Variants in LARGE1 observed in about 807,000 individuals in gnomAD.
The protein encoded by LARGE1 is xylosyl- and glucuronyltransferase LARGE1.
Under a neutral mutation model 87.6 loss-of-function variants are expected in LARGE1, and 43 were observed. The ratio of observed to expected loss-of-function variants is 0.49; its 90% CI spans 0.38 to 0.63. The LOEUF (loss-of-function observed/expected upper bound fraction) is 0.63. LARGE1 is among the 30% of genes least tolerant of loss of function. The pLI, the probability that LARGE1 is intolerant of heterozygous loss-of-function variation, is 0.00. For missense variants in LARGE1, 802 were observed against 1,000.2 expected, an observed-to-expected ratio of 0.80 and a Z score of 2.67; for synonymous variants, 434 against 394.6, an observed-to-expected ratio of 1.10 and a Z score of -1.18.
At chr22:33,346,255 TCTTCTC>T (rs1305815568) in intron 9 of LARGE1, among the ~76,000 whole-genome samples, 12 of 148,058 alleles carry the variant, frequency 8.1e-5, no homozygotes, top group Non-Finnish European at 1.5e-4. Context: ...TTCCTTCCTC[TCTTCTC>T]TCTCTCTCTC....
intron 1 of LARGE1, among the ~76,000 whole-genome samples, chr22:33,903,363 T>G (rs2065340683): frequency 1.3e-5 from 2 of 152,176 alleles, no homozygotes; most frequent in African/African-American, 4.8e-5. Context: ...ACATTAATAT[T>G]ATTTAAGCTC....
chr22:33,076,027 A>G, the LARGE1 span, among the ~76,000 whole-genome samples: 2 of 152,204 alleles, frequency 1.3e-5, no homozygotes, highest in South Asian at 4.1e-4. Flanking sequence ...AAGAATTCTA[A>G]TGTATTCAAC....
intron 1 of LARGE1, among the ~76,000 whole-genome samples, chr22:33,765,707 CAAAAA>C (rs33943950): frequency 5.7e-5 from 4 of 69,934 alleles, no homozygotes; most frequent in East Asian, 5.0e-4. Context: ...CTCCATCTCA[CAAAAA>C]AAAAAAAAAA....
intron 5 of LARGE1, among the ~76,000 whole-genome samples, chr22:33,601,951 C>T (rs751424487): frequency 8.5e-5 from 13 of 152,106 alleles, no homozygotes; most frequent in South Asian, 4.2e-4. Flanking sequence ...CCCTTTCATC[C>T]GAGACCTCAT....
intron 6 of LARGE1, among the ~76,000 whole-genome samples, chr22:33,509,219 C>T (rs573600331): frequency 6.6e-6 from 1 of 152,250 alleles, no homozygotes; most frequent in East Asian, 1.9e-4. Flanking sequence ...TGAATACCAG[C>T]AAGTTCCCAA....
chr22:33,578,631 C>A (rs1207132619), intron 5 of LARGE1, among the ~76,000 whole-genome samples: 1 of 152,142 alleles, frequency 6.6e-6, no homozygotes, highest in Non-Finnish European at 1.5e-5. Context: ...ATGTAGACAT[C>A]AAGGAAATCA....
chr22:33,198,455 G>C (rs991840123), intron 11 of LARGE1, among the ~76,000 whole-genome samples: 1 of 151,996 alleles, frequency 6.6e-6, no homozygotes, highest in Non-Finnish European at 1.5e-5. Flanking sequence ...GGGGGCACAA[G>C]TACTGATTTC....
chr22:33,494,913 CCT>C, intron 6 of LARGE1, among the ~76,000 whole-genome samples: 1 of 152,202 alleles, frequency 6.6e-6, no homozygotes, highest in South Asian at 2.1e-4. Flanking sequence ...AAGTCTCTGT[CCT>C]CTCTTGGCGC....
rs539870423 is a variant in LARGE1 at position 33,739,112 on chromosome 22, A to C, written c.106+22259T>G. ...TATTGGAAAAATGGAATAACAGTACATGCCTCGCAAGTTTGTCAAGATTAA... is the reference window on the plus strand; with the variant it reads ...TATTGGAAAAATGGAATAACAGTACCTGCCTCGCAAGTTTGTCAAGATTAA... On this transcript the variant is annotated intron_variant, in intron 2 of 14. Coordinates refer to ENST00000397394, the MANE Select transcript of LARGE1 (RefSeq NM_133642.5). Among the ~76,000 whole-genome samples the C allele has an allele frequency of 7.9e-5, 12 of 152,162 alleles. No homozygotes were observed. The East Asian group carries it at 2.3e-3, about 29-fold the overall frequency.
chr22:33,166,573 A>T, exon 12 of LARGE1: 2 of 360,206 alleles, frequency 5.6e-6, no homozygotes, highest in Non-Finnish European at 1.1e-5. Context: ...TTCACCTGCC[A>T]TGTACTACTT....
chr22:33,170,774 T>G (rs767494077), intron 11 of LARGE1, among the ~76,000 whole-genome samples: 9 of 152,228 alleles, frequency 5.9e-5, no homozygotes, highest in Non-Finnish European at 1.3e-4. Context: ...GAGAATGGAC[T>G]AATACAGAGA....
chr22:33,201,278 A>G (rs145986020), intron 11 of LARGE1, among the ~76,000 whole-genome samples: 3 of 151,948 alleles, frequency 2.0e-5, no homozygotes, highest in Non-Finnish European at 4.4e-5. Context: ...ATTGCACTCC[A>G]GTCTGGGCAA....
intron 6 of LARGE1, among the ~76,000 whole-genome samples, chr22:33,459,202 TA>T (rs960944767): frequency 3.3e-5 from 5 of 152,102 alleles, no homozygotes; most frequent in African/African-American, 1.2e-4. Context: ...TCAAGATAGG[TA>T]TTTTTACCTT....
intron 6 of LARGE1, among the ~76,000 whole-genome samples, chr22:33,446,556 G>T (rs1218790739): frequency 2.6e-5 from 4 of 152,204 alleles, no homozygotes; most frequent in Admixed American, 2.0e-4. Flanking sequence ...TATCTGCACA[G>T]AATCTGATCA....
At chr22:33,813,375 A>G (rs199648790) in intron 1 of LARGE1, among the ~76,000 whole-genome samples, 1 of 152,128 alleles carries the variant, frequency 6.6e-6, no homozygotes, top group East Asian at 1.9e-4. Flanking sequence ...TCTTTTGTTC[A>G]TCTCCGATAG....
intron 7 of LARGE1, among the ~76,000 whole-genome samples, chr22:33,421,534 C>T (rs1288011829): frequency 7.9e-5 from 12 of 152,134 alleles, no homozygotes; most frequent in Admixed American, 7.9e-4. Flanking sequence ...AGGCAAGAGG[C>T]CAGACATACT....
intron 1 of LARGE1, among the ~76,000 whole-genome samples, chr22:33,762,801 C>G (rs1434573904): frequency 6.6e-6 from 1 of 152,166 alleles, no homozygotes; most frequent in Non-Finnish European, 1.5e-5. Flanking sequence ...AGTTAAAAAA[C>G]CAATGGACCC....
intron 6 of LARGE1, among the ~76,000 whole-genome samples, chr22:33,562,135 TAAC>T (rs2077881701): frequency 6.6e-6 from 1 of 152,240 alleles, no homozygotes; most frequent in South Asian, 2.1e-4. Flanking sequence ...GCGCCTGACT[TAAC>T]AGGCTTTCTT....
downstream of LARGE1, among the ~76,000 whole-genome samples, chr22:33,160,643 C>T (rs1028078267): frequency 2.0e-5 from 3 of 152,212 alleles, no homozygotes; most frequent in African/African-American, 4.8e-5. Context: ...CTTTTAGTGG[C>T]AGTCCTCTCC....
Sources: gnomAD v4.1 joint callset for allele counts (sites outside exome capture counted in the v4.1 genomes callset) on GRCh38, gnomAD v4.1.1 for gene constraint, MANE v1.5 for transcripts, NCBI Gene and HGNC (gene_info 2026-07-23, HGNC 2026-07-21) for gene names.